The following ACTR10 variants were observed in gnomAD, a reference collection of about 807,000 sequenced individuals.
ACTR10 encodes actin related protein 10, also known as actin-related protein 10.
ACTR10 carries 43 observed loss-of-function variants against 56.2 expected under a neutral mutation model. The ratio of observed to expected loss-of-function variants is 0.77; its 90% CI spans 0.60 to 0.99. The LOEUF (loss-of-function observed/expected upper bound fraction) is 0.99. Among genes scored for constraint, ACTR10 ranks in the 50% least tolerant of loss-of-function variants. The pLI, the probability that ACTR10 is intolerant of heterozygous loss-of-function variation, is 0.00. For missense variants in ACTR10, 466 were observed against 507.8 expected (o/e 0.92, Z 0.79); for synonymous variants, 170 against 176.3 (o/e 0.96, Z 0.28).
chr14:58,217,475 C>T (rs1303053613), intron 7 of ACTR10, among the ~76,000 whole-genome samples: 1 of 151,914 alleles, frequency 6.6e-6, no homozygotes, highest in Admixed American at 6.6e-5. Context: ...CGAGACCAGC[C>T]TGACCAATAT....
intron 10 of ACTR10, among the ~76,000 whole-genome samples, chr14:58,229,095 T>C (rs963726094): frequency 6.6e-6 from 1 of 152,146 alleles, no homozygotes; most frequent in Admixed American, 6.5e-5. Flanking sequence ...TTCTGTGTTA[T>C]TTTATCATGT....
chr14:58,202,138 GAA>G (rs1228021222), intron 1 of ACTR10, among the ~76,000 whole-genome samples: 1 of 152,042 alleles, frequency 6.6e-6, no homozygotes, highest in East Asian at 1.9e-4. Context: ...GAAGTAGACT[GAA>G]AGTGAATACA....
At chr14:58,209,682 A>T (rs1282943791) in intron 4 of ACTR10, among the ~76,000 whole-genome samples, 1 of 152,210 alleles carries the variant, frequency 6.6e-6, no homozygotes, top group Non-Finnish European at 1.5e-5. Flanking sequence ...TATAGGAATC[A>T]GGATTATTTT....
At chr14:58,213,482 CT>C in intron 5 of ACTR10, 148 bp from the exon 6 acceptor site, 2 of 473,458 alleles carry the variant, frequency 4.2e-6, no homozygotes, top group Admixed American at 4.0e-5. Flanking sequence ...AAAAAACTTA[CT>C]CTTTGATTTT....
In ACTR10 at chr14:58,223,643, A is replaced by T. The variant is rs1024511673; in HGVS notation, c.656A>T (p.Asp219Val). The stretch of plus-strand genomic sequence containing the variant: ...AAAGCGCGTACTTGCTTTGTAAGTG[A>T]TCTGAAGCGAGGACTAAAAATCCAA... ...DIKARTCFVS[D>V]LKRGLKIQAA... is the part of the protein sequence containing the mutation. The change falls in exon 9 of 13, where the codon GAT (aspartate) becomes GTT (valine). Residue 219 changes from aspartate to valine, a missense_variant. Physicochemically the swap from Asp to Val is radical, Grantham distance 152 (BLOSUM62 -3). Transcript: ENST00000254286. 1 of 1,613,412 alleles carries T rather than the reference A, an allele frequency of 6.2e-7. No homozygotes were observed. The highest frequency in any genetic ancestry group is 1.6e-4 in the Middle Eastern group (1 of 6,062).
chr14:58,217,449 C>T (rs1205243329), intron 7 of ACTR10, among the ~76,000 whole-genome samples: 1 of 151,986 alleles, frequency 6.6e-6, no homozygotes, highest in Admixed American at 6.6e-5. Context: ...GAGTGGGTCA[C>T]TTGAGGTCAA....
At chr14:58,200,329 AG>A in intron 1 of ACTR10, 35 bp downstream of exon 1, 1 of 1,463,404 alleles carries the variant, frequency 6.8e-7, no homozygotes, top group South Asian at 1.4e-5. Context: ...GTTCGACCCG[AG>A]GGGAGGGCGG....
chr14:58,213,943 C>T (rs1371413658), intron 6 of ACTR10, among the ~76,000 whole-genome samples: 1 of 152,096 alleles, frequency 6.6e-6, no homozygotes, highest in African/African-American at 2.4e-5. Context: ...TTGATACAGG[C>T]ATGCAATGAG....
At chr14:58,223,505 C>G (rs1889327210) in intron 8 of ACTR10, 117 bp from the exon 9 acceptor site, 2 of 829,424 alleles carry the variant, frequency 2.4e-6, no homozygotes, top group African/African-American at 1.7e-5. Flanking sequence ...TTATAAAATC[C>G]AAAGGAATAG....
At chr14:58,216,090 T>A (rs1195124639) in intron 7 of ACTR10, among the ~76,000 whole-genome samples, 1 of 152,068 alleles carries the variant, frequency 6.6e-6, no homozygotes, top group African/African-American at 2.4e-5. Context: ...ATGGATTCGG[T>A]CTGTTTCACA....
At chr14:58,230,255 G>C (rs1889497800) in intron 10 of ACTR10, 144 bp from the exon 11 acceptor site, 1 of 461,364 alleles carries the variant, frequency 2.2e-6, no homozygotes, top group Admixed American at 3.7e-5. Flanking sequence ...TTACAAATGA[G>C]AACACCTTGT....
chr14:58,219,112 G>A (rs181621599), intron 7 of ACTR10, among the ~76,000 whole-genome samples: 3 of 152,106 alleles, frequency 2.0e-5, no homozygotes, highest in Non-Finnish European at 2.9e-5. Flanking sequence ...GAGCCACTGC[G>A]CCTGGCCCCA....
At chr14:58,214,691 A>G (rs1307778941) in intron 6 of ACTR10, among the ~76,000 whole-genome samples, 1 of 148,164 alleles carries the variant, frequency 6.7e-6, no homozygotes, top group African/African-American at 2.5e-5. Flanking sequence ...GAGTTTTGCC[A>G]TGTTGGCCAG....
intron 4 of ACTR10, chr14:58,211,075 G>C (rs868062043): frequency 1.5e-5 from 6 of 402,428 alleles, no homozygotes; most frequent in African/African-American, 6.2e-5. Flanking sequence ...AAACAGTTGA[G>C]CTATTTTTAT....
intron 8 of ACTR10, among the ~76,000 whole-genome samples, chr14:58,222,579 A>G (rs896273368): frequency 8.5e-5 from 13 of 152,150 alleles, no homozygotes; most frequent in African/African-American, 3.1e-4. Flanking sequence ...AGCCTGACCA[A>G]TATGGCGAAA....
chr14:58,223,762 T>C (rs1889335861), intron 9 of ACTR10, 21 bp from the exon 10 acceptor site: 1 of 1,610,410 alleles, frequency 6.2e-7, no homozygotes, highest in African/African-American at 1.3e-5. Context: ...TGGACTTATG[T>C]TTATGATATT....
chr14:58,202,934 A>T lies in ACTR10; in HGVS notation c.150+7A>T, dbSNP rs749213895. ...AAGAGCTGGGATGCCTAAGGTATTT[A>T]AAAAAAAATATTAGCAAAATAAATG... On this transcript the variant is annotated splice_region_variant and intron_variant, in intron 2 of 12. Transcript: ENST00000254286. 31 of 1,444,918 alleles carry T rather than the reference A, an allele frequency of 2.1e-5. No homozygotes were observed. Among genetic ancestry groups the T allele is most frequent in the Non-Finnish European group, 2.7e-5 (29 of 1,057,424 alleles). 89.5% of individuals were successfully genotyped at this position (1,444,918 alleles called of 1,614,324 possible). A position where few individuals can be genotyped will look rare whatever the true frequency, so the allele number is the denominator to read the frequency against.
At chr14:58,217,601 G>T (rs1222129207) in intron 7 of ACTR10, among the ~76,000 whole-genome samples, 1 of 151,108 alleles carries the variant, frequency 6.6e-6, no homozygotes, top group African/African-American at 2.4e-5. Flanking sequence ...GGGAGGCGGA[G>T]ATTGCAGTGA....
chr14:58,202,796 T>G (rs917093798), intron 1 of ACTR10, 59 bp from the exon 2 acceptor site: 1 of 1,213,312 alleles, frequency 8.2e-7, no homozygotes, highest in African/African-American at 1.5e-5. Flanking sequence ...AAAATTAGTT[T>G]CTGTGACAAA....
Sources: gnomAD v4.1 joint callset for allele counts (sites outside exome capture counted in the v4.1 genomes callset) on GRCh38, gnomAD v4.1.1 for gene constraint, MANE v1.5 for transcripts, NCBI Gene and HGNC (gene_info 2026-07-23, HGNC 2026-07-21) for gene names.